TBCK: variants seen among roughly 807,000 people sequenced by gnomAD.
TBCK encodes the protein TBC1 domain containing kinase, also known as TBC domain-containing protein kinase-like protein.
TBCK carries 99 observed loss-of-function variants against 113.4 expected under a neutral mutation model. The observed-to-expected ratio is 0.87, with a 90% CI of 0.74 to 1.03. TBCK has a LOEUF of 1.03. Among genes scored for constraint, TBCK ranks in the 50% least tolerant of loss-of-function variants. The pLI, the probability that TBCK is intolerant of heterozygous loss-of-function variation, is 0.00. For synonymous variants in TBCK, 369 were observed against 370.8 expected, an observed-to-expected ratio of 1.00 and a Z score of 0.05; for missense variants, 1,045 against 1,061.3, an observed-to-expected ratio of 0.98 and a Z score of 0.21.
chr4:106,092,674 C>T (rs928291055), intron 25 of TBCK, among the ~76,000 whole-genome samples: 8 of 152,218 alleles, frequency 5.3e-5, no homozygotes, highest in Non-Finnish European at 7.3e-5. Flanking sequence ...CAGAGCCGGC[C>T]GGCTGCTCCC....
chr4:106,232,827 T>C, intron 17 of TBCK, 111 bp downstream of exon 17: 2 of 1,073,818 alleles, frequency 1.9e-6, no homozygotes, highest in Non-Finnish European at 2.6e-6. Context: ...AGAGCGTCAA[T>C]ATTGACTTTC....
At chr4:106,233,498 TGAGA>T in intron 16 of TBCK, 86 bp downstream of exon 16, 1 of 963,662 alleles carries the variant, frequency 1.0e-6, no homozygotes, top group Non-Finnish European at 1.6e-6. Flanking sequence ...TCTGTATTCA[TGAGA>T]GAAAGAGGCT....
intron 19 of TBCK, among the ~76,000 whole-genome samples, chr4:106,224,133 T>C (rs1441989201): frequency 6.6e-6 from 1 of 152,058 alleles, no homozygotes; most frequent in Non-Finnish European, 1.5e-5. Flanking sequence ...CTTAAATATA[T>C]CTGCAGGTAA....
rs1380053318 is a variant in TBCK at position 106,199,319 on chromosome 4, A to T, written c.1861-4565T>A. 2.0e-5 allele frequency among the ~76,000 whole-genome samples: 3 copies of T among 152,140 alleles called. No homozygotes were observed. In the East Asian group the frequency reaches 5.8e-4, roughly 29 times the overall value. ...TTTTTTTCCCTCCACTTGGCTTCCAAAACACCATACTCACCTAGTTTTGTT... is the reference window on the plus strand; with the variant it reads ...TTTTTTTCCCTCCACTTGGCTTCCATAACACCATACTCACCTAGTTTTGTT... On this transcript the variant is annotated intron_variant, in intron 20 of 25. Transcript: ENST00000394708.
intron 3 of TBCK, among the ~76,000 whole-genome samples, chr4:106,269,976 C>A (rs1763329026): frequency 1.3e-5 from 2 of 152,228 alleles, no homozygotes; most frequent in African/African-American, 2.4e-5. Context: ...CTTCACCCTG[C>A]CTCCATTTGC....
At chr4:106,316,411 A>G (rs1297831247), upstream of TBCK, 1 of 796,300 alleles carries the variant, frequency 1.3e-6, no homozygotes, top group Admixed American at 2.1e-5. Context: ...GGAGCGTGGT[A>G]TGGCAGGTTA....
chr4:106,234,838 T>C (rs1345679587), intron 15 of TBCK, among the ~76,000 whole-genome samples: 4 of 152,076 alleles, frequency 2.6e-5, no homozygotes, highest in South Asian at 4.2e-4. Flanking sequence ...CCAGGTGGAA[T>C]AGGTGTGCCA....
intron 25 of TBCK, among the ~76,000 whole-genome samples, chr4:106,051,957 C>T (rs1414125408): frequency 6.6e-6 from 1 of 151,830 alleles, no homozygotes; most frequent in Non-Finnish European, 1.5e-5. Context: ...TAATACTGCA[C>T]TGATTTCTTC....
intron 3 of TBCK, among the ~76,000 whole-genome samples, chr4:106,285,892 G>A (rs3113250): frequency 0.4 from 61,342 of 151,984 alleles, 12,683 homozygotes; most frequent in African/African-American, 0.48. Flanking sequence ...TTATAAAATT[G>A]ATTAAAATTG....
At chr4:106,165,541 A>G (rs1004782853) in intron 23 of TBCK, among the ~76,000 whole-genome samples, 3 of 151,822 alleles carry the variant, frequency 2.0e-5, no homozygotes, top group Non-Finnish European at 4.4e-5. Flanking sequence ...CTGAGGAAAA[A>G]CAGAATACTA....
chr4:106,114,088 G>A (rs1210640227), intron 24 of TBCK, among the ~76,000 whole-genome samples: 6 of 152,176 alleles, frequency 3.9e-5, no homozygotes, highest in African/African-American at 7.2e-5. Context: ...ATGCAAAGCC[G>A]GAATGCGAGC....
chr4:106,171,377 GATAAGTT>G, intron 22 of TBCK, 107 bp from the exon 23 acceptor site: 1 of 777,200 alleles, frequency 1.3e-6, no homozygotes, highest in East Asian at 3.0e-5. Context: ...TGGCTAAGAT[GATAAGTT>G]ATTAGAAAAA....
intron 23 of TBCK, among the ~76,000 whole-genome samples, chr4:106,119,185 T>C (rs1294795107): frequency 6.6e-6 from 1 of 152,212 alleles, no homozygotes; most frequent in Non-Finnish European, 1.5e-5. Context: ...ATATCACATT[T>C]TCCTTATGTG....
chr4:106,049,684 T>A (rs991173748), intron 25 of TBCK, among the ~76,000 whole-genome samples: 1 of 151,882 alleles, frequency 6.6e-6, no homozygotes, highest in African/African-American at 2.4e-5. Context: ...CTCCACAGAG[T>A]GCAGACTCCA....
At chr4:106,165,195 A>G (rs1750228430) in intron 23 of TBCK, among the ~76,000 whole-genome samples, 1 of 151,806 alleles carries the variant, frequency 6.6e-6, no homozygotes, top group Admixed American at 6.6e-5. Context: ...AAAACATTCA[A>G]TCTATTAACC....
intron 24 of TBCK, among the ~76,000 whole-genome samples, chr4:106,097,778 C>G (rs1379704155): frequency 2.6e-5 from 4 of 151,916 alleles, no homozygotes; most frequent in Non-Finnish European, 5.9e-5. Flanking sequence ...ACTTTTTTCA[C>G]TTGTTGAGTA....
intron 23 of TBCK, among the ~76,000 whole-genome samples, chr4:106,167,378 A>G (rs1277330377): frequency 6.6e-6 from 1 of 151,254 alleles, no homozygotes; most frequent in Non-Finnish European, 1.5e-5. Flanking sequence ...GAATGCATCA[A>G]AAACAATGCT....
At chr4:106,172,236 C>T (rs1277435362) in intron 22 of TBCK, among the ~76,000 whole-genome samples, 1 of 152,108 alleles carries the variant, frequency 6.6e-6, no homozygotes, top group Non-Finnish European at 1.5e-5. Context: ...AAAATAGAAA[C>T]ACTTTCATAT....
At chr4:106,242,609 CA>C in intron 11 of TBCK, 40 bp from the exon 12 acceptor site, 2 of 1,406,512 alleles carry the variant, frequency 1.4e-6, no homozygotes, top group Non-Finnish European at 1.9e-6. Flanking sequence ...ACACAAAATC[CA>C]GTTTATTGTT....
Sources: gnomAD v4.1 joint callset for allele counts (sites outside exome capture counted in the v4.1 genomes callset) on GRCh38, gnomAD v4.1.1 for gene constraint, MANE v1.5 for transcripts, NCBI Gene and HGNC (gene_info 2026-07-23, HGNC 2026-07-21) for gene names.